GHR: variants seen among roughly 807,000 people sequenced by gnomAD.
GHR encodes the protein GH receptor.
In GHR, 35 loss-of-function variants were observed where a neutral mutation model predicts 67.1. The ratio of observed to expected loss-of-function variants is 0.52; its 90% CI spans 0.40 to 0.69. The LOEUF (loss-of-function observed/expected upper bound fraction) is 0.69. Ranked by LOEUF, GHR falls within the 30% of genes least tolerant of loss-of-function variation. GHR has a pLI of 0.00. For synonymous variants in GHR, 272 were observed against 269.1 expected (o/e 1.01, Z -0.10); for missense variants, 792 against 764.6 (o/e 1.04, Z -0.42).
intron 2 of GHR, among the ~76,000 whole-genome samples, chr5:42,576,474 T>A (rs1315329950): frequency 6.6e-6 from 1 of 152,206 alleles, no homozygotes; most frequent in Non-Finnish European, 1.5e-5. Flanking sequence ...ATAGGCTAAT[T>A]GTATTCAGTA....
intron 4 of GHR, among the ~76,000 whole-genome samples, chr5:42,691,699 C>T (rs1757430166): frequency 6.6e-6 from 1 of 152,242 alleles, no homozygotes; most frequent in African/African-American, 2.4e-5. Context: ...GTCAGGCTGT[C>T]AACAGGACAG....
intron 1 of GHR, among the ~76,000 whole-genome samples, chr5:42,474,336 A>AGAAAGAAAGAAAGAAAGAAAGAAAGAAG (rs1579770183): frequency 2.7e-5 from 4 of 147,722 alleles, no homozygotes; most frequent in East Asian, 2.3e-4. Flanking sequence ...AAAGAAAGAA[A>AGAAAGAAAGAAAGAAAGAAAGAAAGAAG]GAAAAGAAAT....
In GHR at chr5:42,603,544, T is replaced by C. The variant is rs1752482858; in HGVS notation, c.71-25494T>C. ...ATCTTTACTTCTCTTCATTCTTTTTTCTTTTTGCTTCTCTGACTGGATAAT... is the reference window on the plus strand; with the variant it reads ...ATCTTTACTTCTCTTCATTCTTTTTCCTTTTTGCTTCTCTGACTGGATAAT... On this transcript the variant is annotated intron_variant, in intron 2 of 9. Transcript: ENST00000230882. Among the ~76,000 whole-genome samples the C allele has an allele frequency of 2.0e-5, 3 of 152,238 alleles. No individual in the cohort carries two copies. The South Asian group carries it at 6.2e-4, about 32-fold the overall frequency.
chr5:42,600,240 G>C (rs893712314), intron 2 of GHR, among the ~76,000 whole-genome samples: 1 of 152,214 alleles, frequency 6.6e-6, no homozygotes, highest in Admixed American at 6.5e-5. Flanking sequence ...AGACCCTGGA[G>C]ATGGAGATTC....
At chr5:42,705,723 G>A (rs1758144183) in intron 6 of GHR, among the ~76,000 whole-genome samples, 1 of 152,110 alleles carries the variant, frequency 6.6e-6, no homozygotes, top group African/African-American at 2.4e-5. Context: ...TGTGACTGCA[G>A]AGGACATGAT....
chr5:42,678,199 T>C (rs976332448), intron 3 of GHR, among the ~76,000 whole-genome samples: 1 of 152,216 alleles, frequency 6.6e-6, no homozygotes, highest in African/African-American at 2.4e-5. Flanking sequence ...TGAGGTAGGA[T>C]TTGAACTCAG....
At chr5:42,456,075 G>T (rs1744246838) in intron 1 of GHR, among the ~76,000 whole-genome samples, 1 of 152,226 alleles carries the variant, frequency 6.6e-6, no homozygotes, top group Non-Finnish European at 1.5e-5. Flanking sequence ...CATTTTGGGA[G>T]GCAGATACGG....
intron 3 of GHR, among the ~76,000 whole-genome samples, chr5:42,675,745 A>G (rs1435668543): frequency 6.6e-6 from 1 of 152,264 alleles, no homozygotes; most frequent in African/African-American, 2.4e-5. Context: ...ATGTGCAATT[A>G]TCTACTGACA....
intron 3 of GHR, among the ~76,000 whole-genome samples, chr5:42,636,314 A>G (rs951496809): frequency 1.3e-5 from 2 of 152,104 alleles, no homozygotes; most frequent in African/African-American, 2.4e-5. Flanking sequence ...GACTTCTAGC[A>G]TGGTTTCTTT....
At chr5:42,509,072 C>T (rs1746900776) in intron 1 of GHR, among the ~76,000 whole-genome samples, 1 of 152,186 alleles carries the variant, frequency 6.6e-6, no homozygotes, top group South Asian at 2.1e-4. Flanking sequence ...CCTCACCTCA[C>T]ACCTTATACA....
intron 1 of GHR, among the ~76,000 whole-genome samples, chr5:42,531,777 C>T (rs1390290603): frequency 6.6e-6 from 1 of 152,154 alleles, no homozygotes; most frequent in African/African-American, 2.4e-5. Flanking sequence ...AATGAAACAA[C>T]CCATTCATTG....
chr5:42,576,099 T>TAAAATAAAATAAATAAAATAAAATA (rs11400007), intron 2 of GHR, among the ~76,000 whole-genome samples: 27 of 69,126 alleles, frequency 3.9e-4, no homozygotes, highest in South Asian at 9.5e-4. Flanking sequence ...TAAAATAAAA[T>TAAAATAAAATAAATAAAATAAAATA]AAATAAAATA....
intron 2 of GHR, among the ~76,000 whole-genome samples, chr5:42,589,464 A>G (rs1239203870): frequency 6.6e-6 from 1 of 152,164 alleles, no homozygotes; most frequent in African/African-American, 2.4e-5. Context: ...TTCTTCTCTG[A>G]GTGGAATAAT....
At chr5:42,468,737 C>A (rs567273865) in intron 1 of GHR, 170 of 1,006,682 alleles carry the variant, frequency 1.7e-4, no homozygotes, top group Middle Eastern at 3.1e-4. Flanking sequence ...GAGACGCCGC[C>A]CCCGCCAGCT....
At chr5:42,717,214 C>T (rs746432958) in intron 8 of GHR, among the ~76,000 whole-genome samples, 4 of 152,026 alleles carry the variant, frequency 2.6e-5, no homozygotes, top group African/African-American at 4.8e-5. Context: ...GCAAGAATAT[C>T]GCTTGGCCCA....
chr5:42,552,954 TAA>T (rs1202841711), intron 1 of GHR, among the ~76,000 whole-genome samples: 1 of 152,226 alleles, frequency 6.6e-6, no homozygotes, highest in East Asian at 1.9e-4. Flanking sequence ...CTGATGGAAC[TAA>T]GTTTTCTCTA....
chr5:42,526,152 T>C (rs1247362456), intron 1 of GHR, among the ~76,000 whole-genome samples: 2 of 151,692 alleles, frequency 1.3e-5, no homozygotes, highest in African/African-American at 4.8e-5. Flanking sequence ...TTGAAGGAAA[T>C]TAAAAGTCTA....
chr5:42,492,648 T>C (rs1267105161), intron 1 of GHR, among the ~76,000 whole-genome samples: 4 of 152,218 alleles, frequency 2.6e-5, no homozygotes, highest in Non-Finnish European at 4.4e-5. Flanking sequence ...TTAGCAAAGG[T>C]TGATTATAAA....
In GHR at chr5:42,474,289, G is replaced by GAAAGAAAGAAAGAAAGAA. The variant is rs1422142604; in HGVS notation, c.-12+50335_-12+50336insAAGAAAGAAAGAAAGAAA. Among the ~76,000 whole-genome samples, 42 of 24,042 alleles carry GAAAGAAAGAAAGAAAGAA rather than the reference G, an allele frequency of 1.7e-3. 2 individuals are homozygous for GAAAGAAAGAAAGAAAGAA. Among genetic ancestry groups the GAAAGAAAGAAAGAAAGAA allele is most frequent in the South Asian group, 8.7e-3 (6 of 692 alleles). 15.8% of individuals were successfully genotyped at this position (24,042 alleles called of 152,430 possible). ...AAAGAAAGAAAGAAAGAAAGAAAAA[G>GAAAGAAAGAAAGAAAGAA]AGAAAGAGAAAGAAAGAAAGAAAGA... On this transcript the variant is annotated intron_variant, in intron 1 of 9. Coordinates refer to ENST00000230882, the MANE Select transcript of GHR (RefSeq NM_000163.5).
Sources: allele counts gnomAD v4.1 joint callset (sites outside exome capture counted in the v4.1 genomes callset), GRCh38; gene constraint gnomAD v4.1.1; transcripts MANE v1.5; gene names NCBI Gene and HGNC (gene_info 2026-07-23, HGNC 2026-07-21).